The following CNTNAP4 variants were observed in gnomAD, a reference collection of about 807,000 sequenced individuals.
The protein encoded by CNTNAP4 is contactin-associated protein-like 4.
CNTNAP4 carries 98 observed loss-of-function variants against 148.4 expected under a neutral mutation model. That is an observed-to-expected ratio of 0.66 (90% confidence interval 0.56 to 0.78). The LOEUF is 0.78. CNTNAP4 is among the 30% of genes least tolerant of loss of function. The probability of loss-of-function intolerance (pLI) is 0.00; values close to 1 mark genes in which losing one functional copy is unlikely to be tolerated. For missense variants in CNTNAP4, 1,935 were observed against 1,565.6 expected (o/e 1.24, Z -3.98); for synonymous variants, 730 against 565.1 (o/e 1.29, Z -4.14).
At chr16:76,491,857 TG>T (rs2143802251) in intron 13 of CNTNAP4, among the ~76,000 whole-genome samples, 1 of 16,294 alleles carries the variant, frequency 6.1e-5, no homozygotes, top group South Asian at 1.8e-3. Flanking sequence ...TATCCCATTG[TG>T]TGTGTGTGTG....
chr16:76,476,567 A>G (rs2143624347), intron 11 of CNTNAP4, among the ~76,000 whole-genome samples: 1 of 152,258 alleles, frequency 6.6e-6, no homozygotes, highest in East Asian at 1.9e-4. Flanking sequence ...CAAACTGCAG[A>G]AATGTATTTC....
intron 1 of CNTNAP4, among the ~76,000 whole-genome samples, chr16:76,305,347 A>T (rs1047910609): frequency 6.6e-6 from 1 of 152,062 alleles, no homozygotes; most frequent in African/African-American, 2.4e-5. Context: ...GAAGAACTAG[A>T]TCGTAGATTG....
chr16:76,542,955 C>G lies in CNTNAP4; in HGVS notation c.3442+2165C>G, dbSNP rs1343295651. Among the ~76,000 whole-genome samples the G allele has an allele frequency of 2.6e-5, 4 of 152,164 alleles. No homozygotes were observed. In the East Asian group the frequency reaches 5.8e-4, roughly 22 times the overall value. On this transcript the variant is annotated intron_variant, in intron 21 of 23. Transcript: ENST00000611870. ...ATAAAACAATTGGGAAGCTGATTTT[C>G]ATCCTATAAGGAGGATTGTATTAAC...
chr16:76,364,442 C>T (rs1031183799), intron 3 of CNTNAP4, among the ~76,000 whole-genome samples: 2 of 151,978 alleles, frequency 1.3e-5, no homozygotes, highest in Admixed American at 6.6e-5. Context: ...AGTGTACACC[C>T]CCATTCCAGT....
intron 3 of CNTNAP4, among the ~76,000 whole-genome samples, chr16:76,406,395 A>G (rs1294366258): frequency 6.6e-6 from 1 of 152,054 alleles, no homozygotes; most frequent in Non-Finnish European, 1.5e-5. Context: ...AGAGACAACA[A>G]TATTGAAATT....
At chr16:76,340,550 A>G (rs1484454259) in intron 2 of CNTNAP4, among the ~76,000 whole-genome samples, 2 of 151,982 alleles carry the variant, frequency 1.3e-5, no homozygotes, top group Non-Finnish European at 2.9e-5. Context: ...AATGCCTACT[A>G]TTTATGGGTT....
chr16:76,451,900 C>T (rs946914488), intron 7 of CNTNAP4, among the ~76,000 whole-genome samples: 1 of 151,982 alleles, frequency 6.6e-6, no homozygotes, highest in Non-Finnish European at 1.5e-5. Context: ...GTTCTCAACA[C>T]AAAGAAAAGA....
chr16:76,343,069 A>G (rs959603356), intron 2 of CNTNAP4, among the ~76,000 whole-genome samples: 7 of 151,704 alleles, frequency 4.6e-5, no homozygotes, highest in African/African-American at 1.5e-4. Context: ...GCCAGAAGCA[A>G]TTTGAAATTG....
At position 76,426,013 on chromosome 16, in the gene CNTNAP4, G is replaced by A. The variant is rs183247062; in HGVS notation, c.391-1439G>A. ...GGAAGTTCTGGTGAGGTGATGCTTT[G>A]TTGAACTGAGTGGTCATATTGAAAT... On this transcript the variant is annotated intron_variant, in intron 3 of 23. Transcript: ENST00000611870. Among the ~76,000 whole-genome samples the A allele has an allele frequency of 2.0e-3, 301 of 152,230 alleles. 1 individual carries two copies. Among genetic ancestry groups the A allele is most frequent in the African/African-American group, 7.1e-3 (296 of 41,540 alleles).
chr16:76,392,284 G>C (rs932292011), intron 3 of CNTNAP4, among the ~76,000 whole-genome samples: 1 of 152,180 alleles, frequency 6.6e-6, no homozygotes, highest in African/African-American at 2.4e-5. Context: ...ATGAGCCACT[G>C]TGCCTGGGTC....
chr16:76,324,930 C>T (rs1209913546), intron 2 of CNTNAP4, among the ~76,000 whole-genome samples: 1 of 152,208 alleles, frequency 6.6e-6, no homozygotes. Context: ...GGGCTTCAGC[C>T]TGTGAATTTT....
chr16:76,325,028 A>G (rs968726544), intron 2 of CNTNAP4, among the ~76,000 whole-genome samples: 2 of 152,218 alleles, frequency 1.3e-5, no homozygotes, highest in African/African-American at 4.8e-5. Flanking sequence ...AGAGAAACCA[A>G]GACAGCCAGC....
chr16:76,486,059 C>G (rs1391658455), intron 12 of CNTNAP4, among the ~76,000 whole-genome samples: 1 of 152,146 alleles, frequency 6.6e-6, no homozygotes, highest in Admixed American at 6.5e-5. Context: ...TAGCAGCCAG[C>G]CTAAGGTAAA....
intron 2 of CNTNAP4, among the ~76,000 whole-genome samples, chr16:76,339,095 A>G (rs903170289): frequency 2.0e-5 from 3 of 152,176 alleles, no homozygotes; most frequent in Non-Finnish European, 4.4e-5. Context: ...TGTGTGATCT[A>G]GTCCTAAAAG....
intron 2 of CNTNAP4, among the ~76,000 whole-genome samples, chr16:76,340,686 C>G (rs976843592): frequency 8.5e-5 from 13 of 152,314 alleles, no homozygotes; most frequent in Middle Eastern, 3.4e-3. Flanking sequence ...ATGCAAACAT[C>G]AGGAAGGCAG....
At chr16:76,284,427 C>A (rs1002174812) in intron 1 of CNTNAP4, among the ~76,000 whole-genome samples, 4 of 151,812 alleles carry the variant, frequency 2.6e-5, no homozygotes, top group African/African-American at 9.7e-5. Context: ...GAAAGAAATG[C>A]CCCAAACCTC....
intron 3 of CNTNAP4, among the ~76,000 whole-genome samples, chr16:76,425,589 G>T (rs1210914767): frequency 6.6e-6 from 1 of 152,056 alleles, no homozygotes; most frequent in Non-Finnish European, 1.5e-5. Context: ...AGATATTTAT[G>T]GGGAGTGTCA....
At chr16:76,279,569 C>G (rs978655114) in intron 1 of CNTNAP4, among the ~76,000 whole-genome samples, 6 of 152,082 alleles carry the variant, frequency 3.9e-5, no homozygotes, top group African/African-American at 1.4e-4. Flanking sequence ...ATTCTTTCAG[C>G]CTTGGTTTGT....
intron 2 of CNTNAP4, among the ~76,000 whole-genome samples, chr16:76,333,203 A>G (rs1963693921): frequency 1.3e-5 from 2 of 152,222 alleles, no homozygotes; most frequent in South Asian, 4.1e-4. Flanking sequence ...ACTAAGTGAC[A>G]CATGATGTAG....
Sources: allele counts gnomAD v4.1 joint callset (sites outside exome capture counted in the v4.1 genomes callset), GRCh38; gene constraint gnomAD v4.1.1; transcripts MANE v1.5; gene names NCBI Gene and HGNC (gene_info 2026-07-23, HGNC 2026-07-21).